SAXO1: variants seen among roughly 807,000 people sequenced by gnomAD.
SAXO1 encodes stabilizer of axonemal microtubules 1.
In SAXO1, 21 loss-of-function variants were observed where a neutral mutation model predicts 17.5. The observed-to-expected ratio is 1.20, with a 90% confidence interval of 0.85 to 1.72. The LOEUF (loss-of-function observed/expected upper bound fraction) is 1.72. Ranked by LOEUF, SAXO1 falls within the 40% of genes most tolerant of loss-of-function variation. The pLI is 0.00. For missense variants in SAXO1, 843 were observed against 596.0 expected (o/e 1.41, Z -4.32); for synonymous variants, 274 against 216.5 (o/e 1.27, Z -2.33).
At chr9:18,947,004 C>T (rs143452811) in intron 2 of SAXO1, among the ~76,000 whole-genome samples, 35 of 151,270 alleles carry the variant, frequency 2.3e-4, no homozygotes, top group African/African-American at 7.6e-4. Flanking sequence ...ACAGAGCATC[C>T]GTGAAAGAAA....
At chr9:18,958,073 C>G (rs182699175) in intron 1 of SAXO1, among the ~76,000 whole-genome samples, 9 of 152,094 alleles carry the variant, frequency 5.9e-5, no homozygotes, top group African/African-American at 1.7e-4. Context: ...TGAGAGAAAT[C>G]TGAATAACTC....
intron 1 of SAXO1, among the ~76,000 whole-genome samples, chr9:18,997,346 G>A (rs192367439): frequency 5.8e-4 from 89 of 152,384 alleles, no homozygotes; most frequent in Admixed American, 2.9e-3. Context: ...CACTGCTAGC[G>A]CAGCAGTATG....
chr9:18,931,065 A>G (rs1194680755), intron 3 of SAXO1, among the ~76,000 whole-genome samples: 2 of 152,236 alleles, frequency 1.3e-5, no homozygotes, highest in African/African-American at 4.8e-5. Context: ...TACCATCTGA[A>G]GTACACAATT....
intron 1 of SAXO1, among the ~76,000 whole-genome samples, chr9:18,998,454 T>G (rs200619614): frequency 6.6e-6 from 1 of 151,890 alleles, no homozygotes; most frequent in Admixed American, 6.6e-5. Flanking sequence ...TCCAAGAAAT[T>G]TGGGACTATG....
At chr9:19,045,182 C>A (rs923452845) in intron 1 of SAXO1, among the ~76,000 whole-genome samples, 3 of 150,572 alleles carry the variant, frequency 2.0e-5, no homozygotes, top group Non-Finnish European at 3.0e-5. Flanking sequence ...CGGTGGCGGG[C>A]GCCTGTAGTC....
At chr9:18,997,839 G>A (rs947571565) in intron 1 of SAXO1, among the ~76,000 whole-genome samples, 1 of 152,202 alleles carries the variant, frequency 6.6e-6, no homozygotes, top group Non-Finnish European at 1.5e-5. Context: ...GTTCTGGAGT[G>A]GACTTCCAGC....
Position 18,927,950 on chromosome 9 carries a change from T to C in SAXO1, c.*102A>G, listed in dbSNP as rs539942143. ...GAAGTGGTGAAGGTTTTTTGTTTTT[T>C]GTTTTTTGTCATTTTAGGGAATTCT... On this transcript the variant is annotated 3_prime_UTR_variant, in exon 4 of 4. Transcript: ENST00000380534. 2 of 1,372,364 alleles carry C rather than the reference T, an allele frequency of 1.5e-6. No homozygotes were observed. The highest frequency in any genetic ancestry group is 2.3e-5 in the East Asian group (1 of 42,684). 85.0% of individuals were successfully genotyped at this position (1,372,364 alleles called of 1,614,324 possible).
intron 1 of SAXO1, among the ~76,000 whole-genome samples, chr9:19,022,404 A>G (rs1835283494): frequency 6.6e-6 from 1 of 152,220 alleles, no homozygotes. Flanking sequence ...TCCAGACACA[A>G]TAGCATGTTC....
chr9:18,977,699 G>C (rs528340642), intron 1 of SAXO1, among the ~76,000 whole-genome samples: 1 of 152,084 alleles, frequency 6.6e-6, no homozygotes, highest in African/African-American at 2.4e-5. Flanking sequence ...TTTCCTCAAA[G>C]AAAGTCCACA....
At chr9:19,035,461 T>C (rs561003787), upstream of SAXO1, among the ~76,000 whole-genome samples, 25 of 152,304 alleles carry the variant, frequency 1.6e-4, no homozygotes, top group South Asian at 5.2e-3. Context: ...TATGTCTTTA[T>C]CAGCAGCATG....
intron 1 of SAXO1, among the ~76,000 whole-genome samples, chr9:19,018,350 T>C (rs968663485): frequency 6.6e-6 from 1 of 152,190 alleles, no homozygotes; most frequent in African/African-American, 2.4e-5. Context: ...TCTTGATTCA[T>C]GTAAGTGTCA....
At chr9:18,984,734 T>A (rs1256875828) in intron 1 of SAXO1, among the ~76,000 whole-genome samples, 3 of 152,324 alleles carry the variant, frequency 2.0e-5, no homozygotes, top group East Asian at 1.9e-4. Context: ...TCACTAAAAC[T>A]TTCCCCATAT....
chr9:18,985,452 A>C (rs769247691), intron 1 of SAXO1, among the ~76,000 whole-genome samples: 2 of 152,240 alleles, frequency 1.3e-5, no homozygotes, highest in African/African-American at 4.8e-5. Context: ...AGCACAGTAG[A>C]ACAAGGTATG....
chr9:18,958,353 G>C (rs1832338266), intron 1 of SAXO1, among the ~76,000 whole-genome samples: 1 of 152,154 alleles, frequency 6.6e-6, no homozygotes, highest in South Asian at 2.1e-4. Flanking sequence ...GAACCTGAGA[G>C]GCAGAGGTTG....
At chr9:18,940,467 G>A (rs563594927) in intron 3 of SAXO1, among the ~76,000 whole-genome samples, 1 of 152,194 alleles carries the variant, frequency 6.6e-6, no homozygotes, top group South Asian at 2.1e-4. Flanking sequence ...ACTCAACTAA[G>A]CACAGGGTCC....
chr9:19,008,596 C>T (rs1024973616), intron 1 of SAXO1, among the ~76,000 whole-genome samples: 6 of 152,092 alleles, frequency 3.9e-5, no homozygotes, highest in Non-Finnish European at 7.4e-5. Flanking sequence ...GATACCTACC[C>T]GAATATTTAT....
upstream of SAXO1, among the ~76,000 whole-genome samples, chr9:19,036,986 T>A (rs189138455): frequency 2.0e-5 from 3 of 152,292 alleles, no homozygotes; most frequent in Admixed American, 2.0e-4. Context: ...GGAATTCACC[T>A]CTTGCTTCAG....
intron 1 of SAXO1, among the ~76,000 whole-genome samples, chr9:19,019,082 C>A (rs1044010664): frequency 6.6e-6 from 1 of 151,634 alleles, no homozygotes; most frequent in Non-Finnish European, 1.5e-5. Context: ...GCACTCCAGC[C>A]TGGGCAACAA....
chr9:18,985,516 A>G (rs1331763564), intron 1 of SAXO1, among the ~76,000 whole-genome samples: 1 of 152,164 alleles, frequency 6.6e-6, no homozygotes, highest in African/African-American at 2.4e-5. Flanking sequence ...TAGAGGTAAA[A>G]TTCATTTTTT....
Sources: allele counts gnomAD v4.1 joint callset (sites outside exome capture counted in the v4.1 genomes callset), GRCh38; gene constraint gnomAD v4.1.1; transcripts MANE v1.5; gene names NCBI Gene and HGNC (gene_info 2026-07-23, HGNC 2026-07-21).